PLD5: variants seen among roughly 807,000 people sequenced by gnomAD.
PLD5 encodes the protein phospholipase D family member 5, also known as inactive phospholipase D5.
PLD5 carries 36 observed loss-of-function variants against 61.1 expected under a neutral mutation model. The observed-to-expected ratio is 0.59, with a 90% CI of 0.45 to 0.78. The LOEUF is 0.78. PLD5 is among the 30% of genes least tolerant of loss of function. The pLI, the probability that PLD5 is intolerant of heterozygous loss-of-function variation, is 0.00. For synonymous variants in PLD5, 243 were observed against 242.8 expected (o/e 1.00, Z -0.01); for missense variants, 515 against 644.4 (o/e 0.80, Z 2.17).
chr1:242,383,105 A>T (rs1662392741), intron 1 of PLD5, among the ~76,000 whole-genome samples: 1 of 152,176 alleles, frequency 6.6e-6, no homozygotes, highest in Non-Finnish European at 1.5e-5. Flanking sequence ...CAGCTGCTGG[A>T]ATGGAATCAG....
In PLD5 at chr1:242,264,114, A is replaced by G. The variant is rs191600116; in HGVS notation, c.607+1223T>C. ...TAACCAAAAGTAATCAATTCCTCAGAAAAAAAAAAAGTGTTCTCTAACAAA... is the reference window on the plus strand; with the variant it reads ...TAACCAAAAGTAATCAATTCCTCAGGAAAAAAAAAAGTGTTCTCTAACAAA... On this transcript the variant is annotated intron_variant, in intron 4 of 9. Coordinates refer to ENST00000536534, the MANE Select transcript of PLD5 (RefSeq NM_001372062.1). Among the ~76,000 whole-genome samples the G allele has an allele frequency of 6.1e-3, 874 of 142,262 alleles. 10 individuals carry two copies. The highest frequency in any genetic ancestry group is 0.023 in the African/African-American group (812 of 35,062). 93.3% of individuals were successfully genotyped at this position (142,262 alleles called of 152,430 possible).
intron 2 of PLD5, among the ~76,000 whole-genome samples, chr1:242,333,699 T>G (rs919006197): frequency 2.0e-5 from 3 of 152,186 alleles, no homozygotes; most frequent in African/African-American, 7.2e-5. Context: ...CTACTGCATA[T>G]CCTCATGAGA....
intron 1 of PLD5, among the ~76,000 whole-genome samples, chr1:242,504,050 G>T (rs1394030606): frequency 6.6e-6 from 1 of 151,978 alleles, no homozygotes; most frequent in South Asian, 2.1e-4. Flanking sequence ...CTTCTAGTTT[G>T]TATTTTGTTT....
intron 5 of PLD5, among the ~76,000 whole-genome samples, chr1:242,216,649 CTCTTTACAGCACCT>C (rs1468371267): frequency 6.6e-6 from 1 of 152,220 alleles, no homozygotes; most frequent in Non-Finnish European, 1.5e-5. Flanking sequence ...AGGGCCACGA[CTCTTTACAGCACCT>C]TCTTTACAGC....
chr1:242,133,346 C>G (rs1170147367), intron 5 of PLD5, among the ~76,000 whole-genome samples: 1 of 152,168 alleles, frequency 6.6e-6, no homozygotes, highest in African/African-American at 2.4e-5. Flanking sequence ...TGGGAAACCT[C>G]TAGAGGGTAT....
At chr1:242,185,256 T>C (rs1574473328) in intron 5 of PLD5, among the ~76,000 whole-genome samples, 1 of 152,204 alleles carries the variant, frequency 6.6e-6, no homozygotes, top group South Asian at 2.1e-4. Context: ...CCAAATGCAA[T>C]GGGAACCTAC....
intron 2 of PLD5, among the ~76,000 whole-genome samples, chr1:242,308,231 T>C (rs1222834529): frequency 2.0e-5 from 3 of 152,208 alleles, no homozygotes; most frequent in Non-Finnish European, 2.9e-5. Context: ...AACTAGTCTA[T>C]GAAAAACTTC....
At chr1:242,420,910 G>A (rs1437069779) in intron 1 of PLD5, among the ~76,000 whole-genome samples, 4 of 152,110 alleles carry the variant, frequency 2.6e-5, no homozygotes, top group Admixed American at 2.6e-4. Context: ...CGGGCGCAGT[G>A]GTTCACGCCT....
At chr1:242,276,862 A>G (rs1264924039) in intron 3 of PLD5, among the ~76,000 whole-genome samples, 2 of 152,160 alleles carry the variant, frequency 1.3e-5, no homozygotes, top group Non-Finnish European at 2.9e-5. Flanking sequence ...ATGAGTCTGA[A>G]CAGTTCATCA....
intron 3 of PLD5, among the ~76,000 whole-genome samples, chr1:242,274,570 C>T (rs544156974): frequency 4.9e-4 from 74 of 152,106 alleles, no homozygotes; most frequent in African/African-American, 1.6e-3. Context: ...CTGGCTAACA[C>T]GGTGAAACCC....
intron 1 of PLD5, among the ~76,000 whole-genome samples, chr1:242,381,417 G>T (rs550541805): frequency 6.6e-6 from 1 of 152,254 alleles, no homozygotes; most frequent in East Asian, 1.9e-4. Flanking sequence ...GGAGGGGGAA[G>T]GAGGCAGGAA....
At chr1:242,107,864 AAAAAT>A in intron 7 of PLD5, 25 bp from the exon 8 acceptor site, 1 of 1,560,130 alleles carries the variant, frequency 6.4e-7, no homozygotes. Flanking sequence ...TCCAAATAGA[AAAAAT>A]AAACTAAGTT....
intron 4 of PLD5, among the ~76,000 whole-genome samples, chr1:242,233,812 TCTC>T (rs1002956745): frequency 3.0e-4 from 46 of 152,142 alleles, no homozygotes; most frequent in African/African-American, 1.1e-3. Flanking sequence ...TCCCTCTCTG[TCTC>T]CTCCTACACT....
intron 1 of PLD5, among the ~76,000 whole-genome samples, chr1:242,412,496 G>A (rs530945443): frequency 1.6e-3 from 247 of 152,230 alleles, no homozygotes; most frequent in African/African-American, 5.6e-3. Flanking sequence ...GTTGATTCAC[G>A]TATTCACCAC....
chr1:242,503,022 C>G (rs894292012), intron 1 of PLD5, among the ~76,000 whole-genome samples: 4 of 152,160 alleles, frequency 2.6e-5, no homozygotes, highest in Non-Finnish European at 1.5e-5. Flanking sequence ...GATCATGCCA[C>G]TACACTCCAG....
Position 242,329,953 on chromosome 1 carries a change from T to A in PLD5, c.326+18153A>T, listed in dbSNP as rs367962233. On this transcript the variant is annotated intron_variant, in intron 2 of 9. Transcript: ENST00000536534. Reference sequence around the variant, plus strand: ...CTCACAGAGATTCAATGTTTATGAGTTTCCTGCCACTAACTCTCCATTCTC... The same window carrying A: ...CTCACAGAGATTCAATGTTTATGAGATTCCTGCCACTAACTCTCCATTCTC... Among the ~76,000 whole-genome samples the A allele has an allele frequency of 4.6e-5, 7 of 152,214 alleles. No homozygotes were observed. The East Asian group carries it at 7.7e-4, about 17-fold the overall frequency.
At chr1:242,434,835 G>C (rs1665911766) in intron 1 of PLD5, among the ~76,000 whole-genome samples, 1 of 152,072 alleles carries the variant, frequency 6.6e-6, no homozygotes, top group South Asian at 2.1e-4. Context: ...GGATGGTCTT[G>C]ATCTCCTGAC....
intron 2 of PLD5, among the ~76,000 whole-genome samples, chr1:242,312,762 C>A (rs553024399): frequency 3.3e-5 from 5 of 152,300 alleles, no homozygotes; most frequent in African/African-American, 1.2e-4. Context: ...GCCATCACAT[C>A]CCCCAGACTG....
At chr1:242,526,049 G>T (rs993166637), upstream of PLD5, among the ~76,000 whole-genome samples, 1 of 152,138 alleles carries the variant, frequency 6.6e-6, no homozygotes, top group African/African-American at 2.4e-5. Flanking sequence ...CTCCTTTCCA[G>T]TGAGGAAAGT....
Sources: allele counts gnomAD v4.1 joint callset (sites outside exome capture counted in the v4.1 genomes callset), GRCh38; gene constraint gnomAD v4.1.1; transcripts MANE v1.5; gene names NCBI Gene and HGNC (gene_info 2026-07-23, HGNC 2026-07-21).